Variants in ERICH6B observed in about 807,000 individuals in gnomAD.
ERICH6B encodes the protein glutamate-rich protein 6B.
Under a neutral mutation model 80.0 loss-of-function variants are expected in ERICH6B, and 69 were observed. The ratio of observed to expected loss-of-function variants is 0.86; its 90% CI spans 0.71 to 1.05. The LOEUF (loss-of-function observed/expected upper bound fraction) is 1.05, where lower values mean the gene tolerates loss of function less well. ERICH6B is among the 50% of genes least tolerant of loss of function. ERICH6B has a pLI of 0.00. For synonymous variants in ERICH6B, 283 were observed against 291.9 expected, an observed-to-expected ratio of 0.97 and a Z score of 0.31; for missense variants, 754 against 796.1, an observed-to-expected ratio of 0.95 and a Z score of 0.64.
In ERICH6B at chr13:45,545,004, T is replaced by G. The variant is rs746411047; in HGVS notation, c.1647-19A>C. The G allele has an allele frequency of 6.5e-7, 1 of 1,545,996 alleles. No homozygotes were observed. The highest frequency in any genetic ancestry group is 2.0e-5 in the Admixed American group (1 of 50,880). On this transcript the variant is annotated intron_variant, in intron 13 of 14. Transcript: ENST00000298738. ...GTTCAACCTGGACCAGGAGAAAGCA[T>G]GTCAGGCAGCCAGGGCGCTCAGCCC...
chr13:45,576,224 C>A (rs1016809228), intron 7 of ERICH6B, among the ~76,000 whole-genome samples: 2 of 152,240 alleles, frequency 1.3e-5, no homozygotes, highest in Admixed American at 1.3e-4. Context: ...GGCCTCTCTA[C>A]TTGCAAACCT....
chr13:45,552,306 C>T (rs1312772593), intron 11 of ERICH6B, among the ~76,000 whole-genome samples: 1 of 151,994 alleles, frequency 6.6e-6, no homozygotes, highest in Non-Finnish European at 1.5e-5. Flanking sequence ...CTAATTGTCC[C>T]CTGTCCCCAT....
At chr13:45,551,076 G>A (rs1874204036) in intron 11 of ERICH6B, among the ~76,000 whole-genome samples, 2 of 152,100 alleles carry the variant, frequency 1.3e-5, no homozygotes, top group South Asian at 4.1e-4. Flanking sequence ...TTCATTTTAG[G>A]TAAACATTCA....
intron 2 of ERICH6B, among the ~76,000 whole-genome samples, chr13:45,602,580 A>G (rs1306215908): frequency 1.3e-5 from 2 of 151,716 alleles, no homozygotes; most frequent in Non-Finnish European, 2.9e-5. Flanking sequence ...TTCCTCCAGG[A>G]CTCCAGGCTC....
intron 7 of ERICH6B, 61 bp downstream of exon 7, chr13:45,579,872 C>T: frequency 6.6e-7 from 1 of 1,518,620 alleles, no homozygotes; most frequent in Non-Finnish European, 9.0e-7. Flanking sequence ...GGGGCACCTT[C>T]CCCACCCAGG....
In ERICH6B at chr13:45,561,543, C is replaced by T. The variant is rs775215862; in HGVS notation, c.1250-17G>A. 3.6e-5 allele frequency: 56 copies of T among 1,549,678 alleles called. No homozygotes were observed. The highest frequency in any genetic ancestry group is 5.5e-5 in the African/African-American group (4 of 72,894). On this transcript the variant is annotated splice_polypyrimidine_tract_variant and intron_variant, in intron 10 of 14. Transcript: ENST00000298738. ...ACTTTTGAGCTGCCATTCAATTCAA[C>T]GATTGCATTGAATAAGATTTTGGTG...
At chr13:45,567,045 A>G (rs1056238434) in intron 9 of ERICH6B, among the ~76,000 whole-genome samples, 2 of 152,180 alleles carry the variant, frequency 1.3e-5, no homozygotes, top group Non-Finnish European at 2.9e-5. Flanking sequence ...AAAGAAGATT[A>G]TTTTGGAACT....
chr13:45,596,312 C>A, intron 3 of ERICH6B, 57 bp downstream of exon 3: 5 of 1,492,004 alleles, frequency 3.4e-6, no homozygotes, highest in Non-Finnish European at 4.5e-6. Context: ...ATCCAACCTT[C>A]TTTCCCTTTC....
intron 10 of ERICH6B, among the ~76,000 whole-genome samples, chr13:45,562,992 G>A (rs920905306): frequency 1.3e-5 from 2 of 152,166 alleles, no homozygotes; most frequent in Non-Finnish European, 2.9e-5. Context: ...TCATTTTCAC[G>A]TTAATTGGGT....
intron 3 of ERICH6B, among the ~76,000 whole-genome samples, chr13:45,594,597 CCAATG>C (rs1876287065): frequency 6.6e-6 from 1 of 152,130 alleles, no homozygotes; most frequent in Admixed American, 6.5e-5. Context: ...AATTACCTCT[CCAATG>C]CAACAACTAA....
Position 45,550,327 on chromosome 13 carries a change from A to G in ERICH6B, c.1408-11T>C. ...ATCACCTTGATGCACCTGGGAAGAAAAGACAAGCCTATGAAAAGTGTGAAA... is the reference window on the plus strand; with the variant it reads ...ATCACCTTGATGCACCTGGGAAGAAGAGACAAGCCTATGAAAAGTGTGAAA... On this transcript the variant is annotated splice_polypyrimidine_tract_variant and intron_variant, in intron 11 of 14. Transcript: ENST00000298738. The G allele has an allele frequency of 6.5e-7, 1 of 1,548,908 alleles. No individual in the cohort carries two copies. Among genetic ancestry groups the G allele is most frequent in the Non-Finnish European group, 8.7e-7 (1 of 1,144,562 alleles).
At chr13:45,581,533 C>T (rs868233288) in intron 5 of ERICH6B, among the ~76,000 whole-genome samples, 1 of 152,214 alleles carries the variant, frequency 6.6e-6, no homozygotes, top group Non-Finnish European at 1.5e-5. Flanking sequence ...TGTGCCACCA[C>T]ACCTGGCTAC....
At chr13:45,610,139 C>A (rs1949891129) in intron 1 of ERICH6B, among the ~76,000 whole-genome samples, 2 of 152,186 alleles carry the variant, frequency 1.3e-5, no homozygotes, top group South Asian at 2.1e-4. Flanking sequence ...ACAAGATATG[C>A]AACTTCAATC....
chr13:45,584,276 C>T (rs1353565283), intron 5 of ERICH6B, among the ~76,000 whole-genome samples: 2 of 152,174 alleles, frequency 1.3e-5, no homozygotes, highest in South Asian at 2.1e-4. Flanking sequence ...TGCTCCAGAG[C>T]GTCTTCTCAT....
intron 11 of ERICH6B, chr13:45,552,959 T>C (rs1222379816): frequency 1.1e-5 from 2 of 186,042 alleles, no homozygotes; most frequent in Non-Finnish European, 2.4e-5. Flanking sequence ...ATTCTTTGCA[T>C]GATTTAAAAA....
intron 11 of ERICH6B, among the ~76,000 whole-genome samples, chr13:45,560,037 T>C (rs1391090886): frequency 2.0e-5 from 3 of 150,938 alleles, no homozygotes; most frequent in African/African-American, 7.5e-5. Context: ...TAGTAATTGT[T>C]TGATAAATTT....
chr13:45,597,563 T>A (rs1032545905), intron 2 of ERICH6B, among the ~76,000 whole-genome samples: 1 of 152,032 alleles, frequency 6.6e-6, no homozygotes, highest in Admixed American at 6.5e-5. Context: ...TGGTCAGAAG[T>A]CTGTGGGTCA....
intron 13 of ERICH6B, 22 bp from the exon 14 acceptor site, chr13:45,545,007 C>T (rs1399395865): frequency 2.6e-6 from 4 of 1,543,756 alleles, no homozygotes; most frequent in Non-Finnish European, 3.5e-6. Flanking sequence ...GAAAGCATGT[C>T]AGGCAGCCAG....
At chr13:45,585,272 A>G (rs903566758) in intron 5 of ERICH6B, among the ~76,000 whole-genome samples, 1 of 152,128 alleles carries the variant, frequency 6.6e-6, no homozygotes, top group African/African-American at 2.4e-5. Flanking sequence ...GGGATGGAAT[A>G]TTCCTTTCCA....
Sources: gnomAD v4.1 joint callset for allele counts (sites outside exome capture counted in the v4.1 genomes callset) on GRCh38, gnomAD v4.1.1 for gene constraint, MANE v1.5 for transcripts, NCBI Gene and HGNC (gene_info 2026-07-23, HGNC 2026-07-21) for gene names.